Variants in C8orf34 observed in about 807,000 individuals in gnomAD.
The protein encoded by C8orf34 is uncharacterized protein C8orf34.
A neutral mutation model predicts 68.3 loss-of-function variants in C8orf34; 65 were observed. The ratio of observed to expected loss-of-function variants is 0.95; its 90% CI spans 0.78 to 1.17. The LOEUF (loss-of-function observed/expected upper bound fraction) is 1.17, where lower values mean the gene tolerates loss of function less well. Ranked by LOEUF, C8orf34 falls within the 50% of genes most tolerant of loss-of-function variation. The pLI, the probability that C8orf34 is intolerant of heterozygous loss-of-function variation, is 0.00. For missense variants in C8orf34, 664 were observed against 655.4 expected (o/e 1.01, Z -0.14); for synonymous variants, 244 against 241.2 (o/e 1.01, Z -0.11).
At chr8:68,775,241 T>C (rs1245025423) in intron 10 of C8orf34, among the ~76,000 whole-genome samples, 1 of 152,056 alleles carries the variant, frequency 6.6e-6, no homozygotes, top group African/African-American at 2.4e-5. Context: ...GTGTTGGTCA[T>C]GGGAAAGTTA....
intron 7 of C8orf34, among the ~76,000 whole-genome samples, chr8:68,633,134 G>A (rs554709286): frequency 6.6e-6 from 1 of 152,304 alleles, no homozygotes; most frequent in South Asian, 2.1e-4. Flanking sequence ...AGAGGAAAAT[G>A]AGTGTTTCTA....
At chr8:68,594,244 C>T (rs964252262) in intron 7 of C8orf34, among the ~76,000 whole-genome samples, 22 of 151,924 alleles carry the variant, frequency 1.4e-4, no homozygotes, top group African/African-American at 5.1e-4. Flanking sequence ...CCCCTTGGCC[C>T]ATGGATATCT....
intron 11 of C8orf34, among the ~76,000 whole-genome samples, chr8:68,786,681 T>C (rs1053523988): frequency 6.6e-6 from 1 of 152,168 alleles, no homozygotes; most frequent in African/African-American, 2.4e-5. Flanking sequence ...AATAGTATGA[T>C]AGAACATGTT....
At chr8:68,488,160 A>C (rs975449807) in intron 5 of C8orf34, 109 bp downstream of exon 5, 1 of 766,552 alleles carries the variant, frequency 1.3e-6, no homozygotes, top group Non-Finnish European at 2.0e-6. Flanking sequence ...AGTATAATTT[A>C]TTTGGGCTAA....
At chr8:68,751,641 T>A (rs182362212) in intron 10 of C8orf34, among the ~76,000 whole-genome samples, 165 of 152,238 alleles carry the variant, frequency 1.1e-3, no homozygotes, top group Non-Finnish European at 2.0e-3. Flanking sequence ...TTAGGATTTA[T>A]TTGAAATACA....
In C8orf34 at chr8:68,488,299, A is replaced by G. The variant is rs1333101506; in HGVS notation, c.765+248A>G. ...TAGAGAAAATGGAATCACTGTAATC[A>G]CTGAATCACTATATTGCAAAATAAC... On this transcript the variant is annotated intron_variant, in intron 5 of 13. Coordinates refer to ENST00000518698, the MANE Select transcript of C8orf34 (RefSeq NM_052958.4). Among the ~76,000 whole-genome samples the G allele has an allele frequency of 3.9e-5, 5 of 129,308 alleles. No homozygotes were observed. The South Asian group carries it at 1.1e-3, about 29-fold the overall frequency. 84.8% of individuals were successfully genotyped at this position (129,308 alleles called of 152,430 possible).
At chr8:68,482,741 C>T (rs1265345724) in intron 4 of C8orf34, among the ~76,000 whole-genome samples, 1 of 152,126 alleles carries the variant, frequency 6.6e-6, no homozygotes, top group Non-Finnish European at 1.5e-5. Flanking sequence ...TGTCAATTTC[C>T]ATGATGTAAA....
At chr8:68,362,232 G>T (rs945810811) in intron 1 of C8orf34, among the ~76,000 whole-genome samples, 1 of 151,980 alleles carries the variant, frequency 6.6e-6, no homozygotes, top group African/African-American at 2.4e-5. Flanking sequence ...TTCAATGAAG[G>T]GATCTTTTTC....
intron 8 of C8orf34, among the ~76,000 whole-genome samples, chr8:68,665,762 G>A (rs898632946): frequency 1.3e-5 from 2 of 152,058 alleles, no homozygotes; most frequent in African/African-American, 4.8e-5. Flanking sequence ...GACCTTTCAT[G>A]ACCCCAACCC....
intron 8 of C8orf34, among the ~76,000 whole-genome samples, chr8:68,654,826 C>A (rs1819467233): frequency 6.6e-6 from 1 of 151,988 alleles, no homozygotes; most frequent in South Asian, 2.1e-4. Flanking sequence ...ACTGCTAGGT[C>A]AAAAGCCATT....
rs545258846 is a variant in C8orf34 at position 68,578,642 on chromosome 8, C to CTATATATATATATATATA, written c.1105+45508_1105+45509insATATATATATATATATAT. Among the ~76,000 whole-genome samples the CTATATATATATATATATA allele has an allele frequency of 4.2e-3, 629 of 148,728 alleles. 4 individuals are homozygous for CTATATATATATATATATA. Among genetic ancestry groups the CTATATATATATATATATA allele is most frequent in the African/African-American group, 0.015 (589 of 39,628 alleles). ...TCTATAGTTCATTGCAGATTAAATA[C>CTATATATATATATATATA]TATATATATATATATTTCAATATTG... On this transcript the variant is annotated intron_variant, in intron 7 of 13. Transcript: ENST00000518698.
At chr8:68,384,021 A>G (rs956944025) in intron 1 of C8orf34, among the ~76,000 whole-genome samples, 1 of 152,202 alleles carries the variant, frequency 6.6e-6, no homozygotes, top group Non-Finnish European at 1.5e-5. Context: ...TGTGTGTCCT[A>G]TTTAGGAGAT....
rs148915425 is a variant in C8orf34, at chr8:68,440,542, T to G, written c.475+896T>G. On this transcript the variant is annotated intron_variant, in intron 2 of 13. Coordinates refer to ENST00000518698, the MANE Select transcript of C8orf34 (RefSeq NM_052958.4). Reference sequence around the variant, plus strand: ...ATGTCATTTATCCACACAAAAGTTATTTGCGTCATATAGGAAGTTAGAATA... The same window carrying G: ...ATGTCATTTATCCACACAAAAGTTAGTTGCGTCATATAGGAAGTTAGAATA... Among the ~76,000 whole-genome samples the G allele has an allele frequency of 7.7e-3, 1,165 of 152,272 alleles. 15 individuals are homozygous for G. Among genetic ancestry groups the G allele is most frequent in the African/African-American group, 0.026 (1,060 of 41,568 alleles).
intron 1 of C8orf34, among the ~76,000 whole-genome samples, chr8:68,350,064 T>A (rs1420023022): frequency 6.6e-6 from 1 of 151,910 alleles, no homozygotes; most frequent in Non-Finnish European, 1.5e-5. Context: ...GTTAGGTTGT[T>A]AATTTCAGAT....
rs561474780 is a variant in C8orf34, at chr8:68,577,235, A to G, written c.1105+44086A>G. Among the ~76,000 whole-genome samples, 4 of 152,104 alleles carry G rather than the reference A, an allele frequency of 2.6e-5. No homozygotes were observed. In the East Asian group the frequency reaches 7.7e-4, roughly 29 times the overall value. ...GAGCCCCACCCAAACACATTGAACC[A>G]AAACTAGCATTTTATCAAAACCCCA... is the stretch of plus-strand genomic sequence containing the variant. On this transcript the variant is annotated intron_variant, in intron 7 of 13. Transcript: ENST00000518698.
chr8:68,342,926 G>A (rs1296664347), intron 1 of C8orf34, among the ~76,000 whole-genome samples: 4 of 152,058 alleles, frequency 2.6e-5, no homozygotes, highest in Admixed American at 2.6e-4. Flanking sequence ...CATAGGCTGA[G>A]GTTGCTAAAA....
intron 7 of C8orf34, among the ~76,000 whole-genome samples, chr8:68,559,433 T>G (rs573133779): frequency 1.1e-4 from 16 of 152,298 alleles, no homozygotes; most frequent in East Asian, 7.7e-4. Flanking sequence ...GTCTGTAAAT[T>G]GAGGGTGGAG....
intron 10 of C8orf34, among the ~76,000 whole-genome samples, chr8:68,740,412 AC>A (rs1822247925): frequency 6.6e-6 from 1 of 151,764 alleles, no homozygotes; most frequent in African/African-American, 2.4e-5. Context: ...AAGAAAAAAA[AC>A]CATTATAAAG....
chr8:68,808,482 G>A (rs17482236), intron 12 of C8orf34, among the ~76,000 whole-genome samples: 1,578 of 151,742 alleles, frequency 0.01, 25 homozygotes, highest in Non-Finnish European at 0.013. Context: ...TGAAAAGAGC[G>A]TCAATGCAAT....
Sources: allele counts gnomAD v4.1 joint callset (sites outside exome capture counted in the v4.1 genomes callset), GRCh38; gene constraint gnomAD v4.1.1; transcripts MANE v1.5; gene names NCBI Gene and HGNC (gene_info 2026-07-23, HGNC 2026-07-21).